The following ASGR1 variants were observed in gnomAD, a reference collection of about 807,000 sequenced individuals.
ASGR1 encodes the protein C-type lectin domain family 4 member H1.
ASGR1 carries 35 observed loss-of-function variants against 33.1 expected under a neutral mutation model. That is an observed-to-expected ratio of 1.06 (90% confidence interval 0.81 to 1.40). The LOEUF is 1.40. Ranked by LOEUF, ASGR1 falls within the 40% of genes most tolerant of loss-of-function variation. The probability of loss-of-function intolerance (pLI) is 0.00; values close to 1 mark genes in which losing one functional copy is unlikely to be tolerated. For synonymous variants in ASGR1, 142 were observed against 152.5 expected (o/e 0.93, Z 0.51); for missense variants, 396 against 373.7 (o/e 1.06, Z -0.49).
In ASGR1 at chr17:7,177,134, C is replaced by T. The variant is rs1004252855; in HGVS notation, c.188-58G>A. On this transcript the variant is annotated intron_variant, in intron 3 of 8. Coordinates refer to ENST00000269299, the MANE Select transcript of ASGR1 (RefSeq NM_001671.5). ...GGGATCGCTGTGTCCGCCACCACTG[C>T]ACCCACCACTCCCTTGCCACGGTCC... 3.1e-6 allele frequency: 5 copies of T among 1,612,676 alleles called. No individual in the cohort carries two copies. The African/African-American group carries it at 4.0e-5, about 13-fold the overall frequency.
In ASGR1 at chr17:7,173,752, G is replaced by A; in HGVS notation, c.783C>T (p.Asp261=). 2 of 1,613,600 alleles carry A rather than the reference G, an allele frequency of 1.2e-6. No homozygotes were observed. Among genetic ancestry groups the A allele is most frequent in the East Asian group, 2.2e-5 (1 of 44,872 alleles). The change falls in exon 9 of 9, where the codon GAC becomes GAT. Residue 261 remains aspartate (D), a synonymous_variant. Transcript: ENST00000269299. This position sits in a 1 kb window ranked among gnomAD's most constrained non-coding sequence, Gnocchi z 4.7. The part of the protein sequence containing the change: ...GGEDCAHFTD[D]GRWNDDVCQR... Reference sequence around the variant, plus strand: ...GGCAGACGTCGTCGTTCCAGCGGCCGTCGTCGGTGAAGTGGGCACAGTCCT... The same window carrying A: ...GGCAGACGTCGTCGTTCCAGCGGCCATCGTCGGTGAAGTGGGCACAGTCCT...
chr17:7,175,372 C>G (rs1018010204), intron 5 of ASGR1, among the ~76,000 whole-genome samples: 1 of 147,862 alleles, frequency 6.8e-6, no homozygotes. Context: ...CACCCTCACC[C>G]AAACACACAC....
chr17:7,177,301 C>A lies in ASGR1; in HGVS notation c.96G>T (p.Leu32=). The change falls in exon 3 of 9, where the codon CTG becomes CTT. Residue 32 remains leucine, a synonymous_variant. Transcript: ENST00000269299. Reference sequence around the variant, plus strand: ...GGCGAGGTCCGGAGCAGAGACGCTGCAGGAGGGGCTGGGGAGGAGGTGGCC... The same window carrying A: ...GGCGAGGTCCGGAGCAGAGACGCTGAAGGAGGGGCTGGGGAGGAGGTGGCC... ...RKGPPPPQPL[L]QRLCSGPRLL... The A allele has an allele frequency of 6.2e-7, 1 of 1,613,606 alleles. No individual in the cohort carries two copies. Among genetic ancestry groups the A allele is most frequent in the African/African-American group, 1.3e-5 (1 of 74,910 alleles).
At chr17:7,174,796 GAC>G (rs2069176179) in intron 5 of ASGR1, among the ~76,000 whole-genome samples, 1 of 139,458 alleles carries the variant, frequency 7.2e-6, no homozygotes, top group South Asian at 2.3e-4. Context: ...CTAACCCACA[GAC>G]ACAAACGCAG....
chr17:7,175,357 C>A (rs1443226616), intron 5 of ASGR1, among the ~76,000 whole-genome samples: 3 of 147,946 alleles, frequency 2.0e-5, no homozygotes, highest in African/African-American at 5.1e-5. Context: ...CACACACACA[C>A]AACACACCCT....
intron 1 of ASGR1, 87 bp from the exon 2 acceptor site, chr17:7,178,675 A>T: frequency 1.4e-6 from 1 of 723,822 alleles, no homozygotes; most frequent in South Asian, 2.1e-5. Context: ...CTCCCATCTG[A>T]TTGACGGCTC....
chr17:7,175,826 CAG>C (rs1199541647), intron 5 of ASGR1, among the ~76,000 whole-genome samples: 2 of 147,728 alleles, frequency 1.4e-5, no homozygotes, highest in African/African-American at 2.6e-5. Context: ...GACACACACT[CAG>C]ACACACACAC....
chr17:7,176,261 TCACA>T (rs965003939), intron 5 of ASGR1, among the ~76,000 whole-genome samples: 3 of 131,414 alleles, frequency 2.3e-5, no homozygotes, highest in Admixed American at 7.6e-5. Context: ...CATCTCATTC[TCACA>T]CTCACTCACA....
rs1159819167 is a variant in ASGR1 at position 7,177,211 on chromosome 17, T to C, written c.186A>G (p.Gln62=). 3 of 1,612,698 alleles carry C rather than the reference T, an allele frequency of 1.9e-6. No individual in the cohort carries two copies. The African/African-American group carries it at 4.0e-5, about 22-fold the overall frequency. Residue 62 remains glutamine (Q), a splice_region_variant and synonymous_variant, in exon 3 of 9, where the codon CAA becomes CAG. Transcript: ENST00000269299. ...CCTTCCCACCCCTGGGGCACCCACT[T>C]TGGGATCCGATCACACAGACAACCA... ...LLVVVCVIGS[Q]NSQLQEELRG... is the part of the protein sequence containing the mutation.
At chr17:7,178,451 G>A (rs765098282) in intron 2 of ASGR1, 43 bp downstream of exon 2, 9 of 1,593,356 alleles carry the variant, frequency 5.6e-6, no homozygotes, top group Non-Finnish European at 2.6e-6. Flanking sequence ...GTGGAGAACC[G>A]CCAAATTCTC....
chr17:7,173,759 G>C lies in ASGR1; in HGVS notation c.776C>G (p.Thr259Ser), dbSNP rs370977484. The change falls in exon 9 of 9, where the codon ACC (threonine) becomes AGC (serine). Residue 259 changes from threonine (T) to serine (S), a missense_variant. Coordinates refer to ENST00000269299, the MANE Select transcript of ASGR1 (RefSeq NM_001671.5). The surrounding 1 kb of genome is among the most constrained non-coding windows in gnomAD (Gnocchi z 4.7). ...LGGGEDCAHFTDDGRWNDDVC... is the reference protein window; with the variant it reads ...LGGGEDCAHFSDDGRWNDDVC... ...GTCGTCGTTCCAGCGGCCGTCGTCG[G>C]TGAAGTGGGCACAGTCCTCGCCTCC... The C allele has an allele frequency of 2.5e-6, 4 of 1,613,406 alleles. No individual in the cohort carries two copies. The highest frequency in any genetic ancestry group is 3.4e-6 in the Non-Finnish European group (4 of 1,179,974).
At chr17:7,178,821 C>G in intron 1 of ASGR1, 1 of 336,226 alleles carries the variant, frequency 3.0e-6, no homozygotes, top group Non-Finnish European at 5.3e-6. Context: ...ACTGCAACCT[C>G]TGCCTCCCGG....
intron 5 of ASGR1, among the ~76,000 whole-genome samples, chr17:7,175,199 TACAC>T (rs1000115251): frequency 2.6e-4 from 35 of 132,152 alleles, no homozygotes; most frequent in African/African-American, 1.0e-3. Flanking sequence ...TTAACCCACA[TACAC>T]ACAACACACC....
rs1160609537 is a variant in ASGR1 at position 7,177,341 on chromosome 17, G to A, written c.71-15C>T. On this transcript the variant is annotated splice_polypyrimidine_tract_variant and intron_variant, in intron 2 of 8. Transcript: ENST00000269299. Reference sequence around the variant, plus strand: ...AGGAGGTGGCCCTGCAAGAGGAGGGGGTGTCAGGAGCGCGGGGACAGAGGG... The same window carrying A: ...AGGAGGTGGCCCTGCAAGAGGAGGGAGTGTCAGGAGCGCGGGGACAGAGGG... 1.9e-6 allele frequency: 3 copies of A among 1,609,448 alleles called. No homozygotes were observed. Among genetic ancestry groups the A allele is most frequent in the East Asian group, 2.2e-5 (1 of 44,828 alleles).
rs754841710 is a variant in ASGR1 at position 7,173,670 on chromosome 17, G to A, written c.865C>T (p.Pro289Ser). The change falls in exon 9 of 9, where the codon CCT becomes TCT. Residue 289 changes from proline (P) to serine (S), a missense_variant. By Grantham distance (74) the Pro-to-Ser change is moderately conservative. Transcript: ENST00000269299. This position sits in a 1 kb window ranked among gnomAD's most constrained non-coding sequence, Gnocchi z 4.7. ...TELDKASQEP[P>S]LL Reference sequence around the variant, plus strand: ...ATTGAAGAAATAAATTAAAGGAGAGGTGGCTCCTGGCTGGCCTTGTCCAGC... The same window carrying A: ...ATTGAAGAAATAAATTAAAGGAGAGATGGCTCCTGGCTGGCCTTGTCCAGC... 8 of 1,613,366 alleles carry A rather than the reference G, an allele frequency of 5.0e-6. No individual in the cohort carries two copies. Among genetic ancestry groups the A allele is most frequent in the Non-Finnish European group, 5.9e-6 (7 of 1,180,050 alleles).
intron 5 of ASGR1, among the ~76,000 whole-genome samples, chr17:7,176,299 A>ACTCACACACCCCATCTCATTCTCACACT (rs2069206284): frequency 7.6e-6 from 1 of 131,412 alleles, no homozygotes; most frequent in African/African-American, 3.6e-5. Context: ...TCTCACACTC[A>ACTCACACACCCCATCTCATTCTCACACT]CAGACTCACA....
rs55714927 is a variant in ASGR1 at position 7,176,997 on chromosome 17, C to T, written c.267G>A (p.Lys89=). The part of the protein sequence containing the change: ...NFTASTEAQV[K]GLSTQGGNVG... ...CGCCCTCACCCTGGGTGCTCAAGCC[C>T]TTGACCTGGGCCTCCGTGCTCGCTG... is the stretch of plus-strand genomic sequence containing the variant. The change falls in exon 4 of 9, where the codon AAG becomes AAA. Residue 89 remains lysine (K), a synonymous_variant. Transcript: ENST00000269299. 299,828 of 1,610,742 alleles carry T rather than the reference C, an allele frequency of 0.19. 29,928 individuals are homozygous for T. Among genetic ancestry groups the T allele is most frequent in the East Asian group, 0.31 (13,933 of 44,748 alleles).
rs201915673 is a variant in ASGR1, at chr17:7,178,535, T to A, written c.29A>T (p.His10Leu). Residue 10 changes from histidine (H) to leucine (L), a missense_variant, in exon 2 of 9, where the codon CAT becomes CTT. His to Leu is a moderately conservative substitution (Grantham distance 99). Transcript: ENST00000269299. ...GTGGTCACTCTCCTCATTGTCCAGA[T>A]GCTGAAGGTCTTGATACTCCTTGGT... MTKEYQDLQHLDNEESDHHQ... is the reference protein window; with the variant it reads MTKEYQDLQLLDNEESDHHQ... 2.2e-5 allele frequency: 36 copies of A among 1,613,918 alleles called. No individual in the cohort carries two copies. Among genetic ancestry groups the A allele is most frequent in the Non-Finnish European group, 9.3e-6 (11 of 1,180,002 alleles).
intron 5 of ASGR1, 32 bp downstream of exon 5, chr17:7,176,798 A>G (rs753347548): frequency 3.2e-6 from 5 of 1,544,188 alleles, no homozygotes; most frequent in East Asian, 2.4e-5. Context: ...TCTTTCACAC[A>G]CACACACACA....
Sources: allele counts gnomAD v4.1 joint callset (sites outside exome capture counted in the v4.1 genomes callset), GRCh38; gene constraint gnomAD v4.1.1; non-coding constraint Gnocchi (gnomAD v3.1); transcripts MANE v1.5; gene names NCBI Gene and HGNC (gene_info 2026-07-23, HGNC 2026-07-21).